ROBO1: variants seen among roughly 807,000 people sequenced by gnomAD.
The protein encoded by ROBO1 is roundabout homolog 1.
A neutral mutation model predicts 195.9 loss-of-function variants in ROBO1; 149 were observed. That is an observed-to-expected ratio of 0.76 (90% CI 0.67 to 0.87). ROBO1 has a LOEUF of 0.87. ROBO1 is among the 40% of genes least tolerant of loss of function. ROBO1 has a pLI of 0.00. For missense variants in ROBO1, 1,933 were observed against 2,068.3 expected (o/e 0.93, Z 1.27); for synonymous variants, 816 against 733.2 (o/e 1.11, Z -1.82).
intron 10 of ROBO1, among the ~76,000 whole-genome samples, chr3:78,677,173 G>A (rs1039951094): frequency 6.6e-6 from 1 of 152,142 alleles, no homozygotes; most frequent in African/African-American, 2.4e-5. Flanking sequence ...CCTGAAGGAA[G>A]TACTAAACGT....
intron 3 of ROBO1, among the ~76,000 whole-genome samples, chr3:79,002,556 G>T (rs961705520): frequency 6.6e-6 from 1 of 151,980 alleles, no homozygotes; most frequent in Non-Finnish European, 1.5e-5. Context: ...TTAGAGTACA[G>T]CCAGCCAGAC....
chr3:78,658,029 G>T (rs1199981012), intron 17 of ROBO1, among the ~76,000 whole-genome samples: 2 of 152,110 alleles, frequency 1.3e-5, no homozygotes, highest in Admixed American at 6.6e-5. Context: ...ATAAAGAATA[G>T]CAATACATAT....
chr3:78,673,585 TATATATATATATATATATATAC>T (rs796420712), intron 10 of ROBO1, among the ~76,000 whole-genome samples: 3,861 of 75,460 alleles, frequency 0.051, 121 homozygotes, highest in Non-Finnish European at 0.076. Context: ...TATATATATA[TATATATATATATATATATATAC>T]ACACATATAT....
intron 2 of ROBO1, among the ~76,000 whole-genome samples, chr3:79,403,881 G>A (rs1387969374): frequency 6.6e-6 from 1 of 151,984 alleles, no homozygotes; most frequent in Non-Finnish European, 1.5e-5. Flanking sequence ...ATCATTTGGA[G>A]CCATCTCTCT....
intron 4 of ROBO1, among the ~76,000 whole-genome samples, chr3:78,876,518 A>T (rs536607093): frequency 6.6e-6 from 1 of 152,198 alleles, no homozygotes; most frequent in African/African-American, 2.4e-5. Flanking sequence ...TACACACGTA[A>T]TGCACTGCAA....
At chr3:79,738,493 T>C (rs1406928261) in intron 1 of ROBO1, among the ~76,000 whole-genome samples, 1 of 152,168 alleles carries the variant, frequency 6.6e-6, no homozygotes, top group Non-Finnish European at 1.5e-5. Flanking sequence ...AGCCCTCCAG[T>C]TAGAAAATAA....
chr3:79,135,679 CCAAG>C (rs916539779), intron 2 of ROBO1, among the ~76,000 whole-genome samples: 1 of 151,686 alleles, frequency 6.6e-6, no homozygotes, highest in African/African-American at 2.4e-5. Flanking sequence ...CTTTTGTTGC[CCAAG>C]CTAGAGTGCA....
intron 1 of ROBO1, among the ~76,000 whole-genome samples, chr3:79,713,298 C>T (rs1484475186): frequency 1.3e-5 from 2 of 152,042 alleles, no homozygotes; most frequent in Non-Finnish European, 2.9e-5. Context: ...GAGAGATACA[C>T]TTCATAGGGT....
At chr3:79,165,835 T>C (rs2081053927) in intron 2 of ROBO1, among the ~76,000 whole-genome samples, 1 of 152,234 alleles carries the variant, frequency 6.6e-6, no homozygotes, top group Non-Finnish European at 1.5e-5. Context: ...GAAGATATTT[T>C]ATTGATGTGA....
intron 4 of ROBO1, among the ~76,000 whole-genome samples, chr3:78,752,270 A>G (rs2082816235): frequency 6.6e-6 from 1 of 152,198 alleles, no homozygotes; most frequent in Non-Finnish European, 1.5e-5. Flanking sequence ...TAATATCAAA[A>G]TAACTATCAT....
At position 78,606,985 on chromosome 3, in the gene ROBO1, T is replaced by G. The variant is rs555304987; in HGVS notation, c.4492A>C (p.Lys1498Gln). The G allele has an allele frequency of 3.1e-5, 50 of 1,613,788 alleles. No individual in the cohort carries two copies. The highest frequency in any genetic ancestry group is 4.1e-5 in the Non-Finnish European group (48 of 1,179,848). Residue 1498 changes from lysine to glutamine, a missense_variant, in exon 29 of 31, where the codon AAG becomes CAG. Coordinates refer to ENST00000464233, the MANE Select transcript of ROBO1 (RefSeq NM_002941.4). The stretch of plus-strand genomic sequence containing the variant: ...ACAGGTCGTACTTCCAGCTGTGTCT[T>G]GGATTGGGCAGTAGGTGACTTTATA... Reference protein sequence around the residue: ...PAIKSPTAQSKTQLEVRPVVV... With the variant: ...PAIKSPTAQSQTQLEVRPVVV...
intron 2 of ROBO1, chr3:79,512,990 A>G (rs1042829004): frequency 5.9e-5 from 9 of 152,132 alleles, no homozygotes; most frequent in African/African-American, 1.9e-4. Flanking sequence ...TCCTAACCTG[A>G]CCTTCACATG....
At chr3:78,676,135 C>T (rs1480371540) in intron 10 of ROBO1, among the ~76,000 whole-genome samples, 1 of 152,148 alleles carries the variant, frequency 6.6e-6, no homozygotes, top group Non-Finnish European at 1.5e-5. Flanking sequence ...AGAAGGAAAA[C>T]TAACAAACAG....
chr3:79,760,181 G>A (rs906219401), intron 1 of ROBO1, among the ~76,000 whole-genome samples: 2 of 131,664 alleles, frequency 1.5e-5, no homozygotes, highest in Middle Eastern at 5.3e-3. Context: ...AGGTTGCAGT[G>A]AGCCGAGATC....
In ROBO1 at chr3:79,247,251, T is replaced by C. The variant is rs80181940; in HGVS notation, c.89-121712A>G. On this transcript the variant is annotated intron_variant, in intron 2 of 30. Transcript: ENST00000464233. ...TTCTCTCTATGAACAAACAGTTAAA[T>C]TGTTCCAAAGTGCACATAATATAAA... Among the ~76,000 whole-genome samples, 466 of 150,268 alleles carry C rather than the reference T, an allele frequency of 3.1e-3. 3 individuals are homozygous for C. The highest frequency in any genetic ancestry group is 0.011 in the African/African-American group (431 of 40,704).
At chr3:79,487,293 C>A (rs1219756128) in intron 2 of ROBO1, among the ~76,000 whole-genome samples, 1 of 123,010 alleles carries the variant, frequency 8.1e-6, no homozygotes, top group African/African-American at 3.1e-5. Context: ...TTTTTTCTTT[C>A]CCTGTAAAGC....
chr3:78,639,895 A>G lies in ROBO1; in HGVS notation c.2886T>C (p.Pro962=), dbSNP rs1172285593. The stretch of plus-strand genomic sequence containing the variant: ...CAGGTTCACTGATGTTGAGAAGTCC[A>G]GGCCTAAATAAAAAAAAAATATTAA... ...GGEAVSSGGR[P]GLLNISEPAA... is the part of the protein sequence containing the mutation. The change falls in exon 22 of 31, where the codon CCT becomes CCC. Residue 962 remains proline, a synonymous_variant. Coordinates refer to ENST00000464233, the MANE Select transcript of ROBO1 (RefSeq NM_002941.4). The G allele has an allele frequency of 1.9e-6, 3 of 1,551,042 alleles. No homozygotes were observed. The highest frequency in any genetic ancestry group is 1.8e-4 in the Middle Eastern group (1 of 5,640).
chr3:79,021,543 G>T (rs746894754), intron 3 of ROBO1, among the ~76,000 whole-genome samples: 27 of 151,800 alleles, frequency 1.8e-4, no homozygotes, highest in Non-Finnish European at 2.5e-4. Context: ...TATCTCTCAA[G>T]ATTTCTTTTG....
intron 4 of ROBO1, among the ~76,000 whole-genome samples, chr3:78,881,496 T>A (rs1323976953): frequency 1.3e-5 from 2 of 152,226 alleles, no homozygotes; most frequent in African/African-American, 2.4e-5. Flanking sequence ...ATTAAAAGCA[T>A]TTTTCTTTCA....
Sources: allele counts gnomAD v4.1 joint callset (sites outside exome capture counted in the v4.1 genomes callset), GRCh38; gene constraint gnomAD v4.1.1; transcripts MANE v1.5; gene names NCBI Gene and HGNC (gene_info 2026-07-23, HGNC 2026-07-21).